Variants in FKBPL observed in about 807,000 individuals in gnomAD.
The protein encoded by FKBPL is FK506-binding protein-like.
A neutral mutation model predicts 27.9 loss-of-function variants in FKBPL; 31 were observed. The observed-to-expected ratio is 1.11, with a 90% CI of 0.83 to 1.50. The LOEUF (loss-of-function observed/expected upper bound fraction) is 1.50. Among genes scored for constraint, FKBPL ranks in the 40% most tolerant of loss-of-function variants. The probability of loss-of-function intolerance (pLI) is 0.00; values close to 1 mark genes in which losing one functional copy is unlikely to be tolerated. For synonymous variants in FKBPL, 134 were observed against 169.5 expected (o/e 0.79, Z 1.63); for missense variants, 355 against 425.9 (o/e 0.83, Z 1.46).
rs775939173 is a variant in FKBPL, at chr6:32,129,570, C to T, written c.211G>A (p.Ala71Thr). Residue 71 changes from alanine (A) to threonine (T), a missense_variant, in exon 2 of 2, where the codon GCT becomes ACT. Coordinates refer to ENST00000375156, the MANE Select transcript of FKBPL (RefSeq NM_022110.4). This position sits in a 1 kb window ranked among gnomAD's most constrained non-coding sequence, Gnocchi z 4.5. ...EHTQGAEKLV[A>T]ELEGDSHKSH... ...TTATGAGAGTCTCCTTCAAGTTCAG[C>T]AACCAGTTTTTCAGCTCCTTGAGTA... 2.5e-6 allele frequency: 4 copies of T among 1,614,226 alleles called. No homozygotes were observed. In the South Asian group the frequency reaches 4.4e-5, roughly 18 times the overall value.
chr6:32,129,891 C>T lies in FKBPL; in HGVS notation c.-74-37G>A. On this transcript the variant is annotated intron_variant, in intron 1 of 1. Transcript: ENST00000375156. The surrounding 1 kb of genome is among the most constrained non-coding windows in gnomAD (Gnocchi z 4.5). ...ACCAAACAATGCTAATAGCAGGGTT[C>T]TTATTTAGACTCCTTTCTCGTCCTT... The T allele has an allele frequency of 1.1e-6, 1 of 925,916 alleles. No homozygotes were observed. The highest frequency in any genetic ancestry group is 1.4e-5 in the South Asian group (1 of 71,316). The allele number at this position is 925,916 out of a possible 1,614,324, so 57.4% of individuals were successfully genotyped here. A position where few individuals can be genotyped will look rare whatever the true frequency, so the allele number is the denominator to read the frequency against.
Position 32,129,926 on chromosome 6 carries a change from T to A in FKBPL, c.-74-72A>T. The A allele has an allele frequency of 1.2e-6, 1 of 802,314 alleles. No individual in the cohort carries two copies. Among genetic ancestry groups the A allele is most frequent in the Non-Finnish European group, 2.1e-6 (1 of 475,594 alleles). 49.7% of individuals were successfully genotyped at this position (802,314 alleles called of 1,614,324 possible). A position where few individuals can be genotyped will look rare whatever the true frequency, so the allele number is the denominator to read the frequency against. ...CTCCTTTCTCGTCCTTTCCCATTCT[T>A]CTGAGACCCAGGCCCCTAGTCCTGA... is the stretch of plus-strand genomic sequence containing the variant. On this transcript the variant is annotated intron_variant, in intron 1 of 1. Transcript: ENST00000375156. This position sits in a 1 kb window ranked among gnomAD's most constrained non-coding sequence, Gnocchi z 4.5.
At position 32,129,057 on chromosome 6, in the gene FKBPL, T is replaced by G; in HGVS notation, c.724A>C (p.Thr242Pro). The G allele has an allele frequency of 6.2e-7, 1 of 1,614,184 alleles. No individual in the cohort carries two copies. Among genetic ancestry groups the G allele is most frequent in the Non-Finnish European group, 8.5e-7 (1 of 1,180,028 alleles). The stretch of plus-strand genomic sequence containing the variant: ...TCTGGAGGGCCAGGTGGGGGTAAAG[T>G]CAGGAGCAGCCGAAGAGCCCGTCCA... ...CYGRALRLLL[T>P]LPPPGPPERT... The change falls in exon 2 of 2, where the codon ACT becomes CCT. Residue 242 changes from threonine (T) to proline (P), a missense_variant. Physicochemically the swap from Thr to Pro is conservative, Grantham distance 38. Transcript: ENST00000375156. The surrounding 1 kb of genome is among the most constrained non-coding windows in gnomAD (Gnocchi z 4.5).
chr6:32,129,614 G>T lies in FKBPL; in HGVS notation c.167C>A (p.Ala56Asp). The change falls in exon 2 of 2, where the codon GCC (alanine) becomes GAC (aspartate). Residue 56 changes from alanine (A) to aspartate (D), a missense_variant. Coordinates refer to ENST00000375156, the MANE Select transcript of FKBPL (RefSeq NM_022110.4). This position sits in a 1 kb window ranked among gnomAD's most constrained non-coding sequence, Gnocchi z 4.5. ...TLELEVSPDP[A>D]SQILEHTQGA... ...TTGAGTATGCTCTAGAATTTGGCTGGCTGGATCTGGGCTTACTTCCAGCTC... is the reference window on the plus strand; with the variant it reads ...TTGAGTATGCTCTAGAATTTGGCTGTCTGGATCTGGGCTTACTTCCAGCTC... 6.2e-7 allele frequency: 1 copy of T among 1,614,156 alleles called. No homozygotes were observed. The highest frequency in any genetic ancestry group is 8.5e-7 in the Non-Finnish European group (1 of 1,180,034).
chr6:32,129,204 T>C lies in FKBPL; in HGVS notation c.577A>G (p.Thr193Ala), dbSNP rs754264312. 6.2e-7 allele frequency: 1 copy of C among 1,614,152 alleles called. No individual in the cohort carries two copies. Among genetic ancestry groups the C allele is most frequent in the Non-Finnish European group, 8.5e-7 (1 of 1,180,018 alleles). Residue 193 changes from threonine (T) to alanine (A), a missense_variant, in exon 2 of 2, where the codon ACT becomes GCT. Coordinates refer to ENST00000375156, the MANE Select transcript of FKBPL (RefSeq NM_022110.4). The surrounding 1 kb of genome is among the most constrained non-coding windows in gnomAD (Gnocchi z 4.5). Reference sequence around the variant, plus strand: ...AGCTCCCAGGAGTCTCGGCCTTGAGTGAAGGATGCCAGTGTGAGCCTGACA... The same window carrying C: ...AGCTCCCAGGAGTCTCGGCCTTGAGCGAAGGATGCCAGTGTGAGCCTGACA... ...PPVRLTLASFTQGRDSWELET... is the reference protein window; with the variant it reads ...PPVRLTLASFAQGRDSWELET...
rs1782157036 is a variant in FKBPL, at chr6:32,129,556, T to TC, written c.224dup (p.Asp76ArgfsTer4). The TC allele has an allele frequency of 6.2e-7, 1 of 1,609,818 alleles. No individual in the cohort carries two copies. Among genetic ancestry groups the TC allele is most frequent in the East Asian group, 2.2e-5 (1 of 44,620 alleles). On this transcript the variant is annotated frameshift_variant, in exon 2 of 2. Transcript: ENST00000375156. LOFTEE classifies it high-confidence loss of function. This position sits in a 1 kb window ranked among gnomAD's most constrained non-coding sequence, Gnocchi z 4.5. Reference sequence around the variant, plus strand: ...TTGATCCATGAGACTTATGAGAGTCTCCTTCAAGTTCAGCAACCAGTTTTT... The same window carrying TC: ...TTGATCCATGAGACTTATGAGAGTCTCCCTTCAAGTTCAGCAACCAGTTTTT...
At position 32,129,026 on chromosome 6, in the gene FKBPL, G is replaced by T. The variant is rs767741788; in HGVS notation, c.755C>A (p.Thr252Asn). 2.5e-6 allele frequency: 4 copies of T among 1,614,262 alleles called. No homozygotes were observed. The highest frequency in any genetic ancestry group is 3.4e-6 in the Non-Finnish European group (4 of 1,180,048). Residue 252 changes from threonine to asparagine, a missense_variant, in exon 2 of 2, where the codon ACT becomes AAT. Physicochemically the swap from Thr to Asn is moderately conservative, Grantham distance 65 (BLOSUM62 0). Transcript: ENST00000375156. This position sits in a 1 kb window ranked among gnomAD's most constrained non-coding sequence, Gnocchi z 4.5. ...TLPPPGPPER[T>N]VLHANLAACQ... ...GGCAGCCAGATTGGCATGAAGGACA[G>T]TTCGTTCTGGAGGGCCAGGTGGGGG...
In FKBPL at chr6:32,129,887, G is replaced by A; in HGVS notation, c.-74-33C>T. The stretch of plus-strand genomic sequence containing the variant: ...GAAAACCAAACAATGCTAATAGCAG[G>A]GTTCTTATTTAGACTCCTTTCTCGT... On this transcript the variant is annotated intron_variant, in intron 1 of 1. Coordinates refer to ENST00000375156, the MANE Select transcript of FKBPL (RefSeq NM_022110.4). This position sits in a 1 kb window ranked among gnomAD's most constrained non-coding sequence, Gnocchi z 4.5. 2 of 1,014,752 alleles carry A rather than the reference G, an allele frequency of 2.0e-6. No homozygotes were observed. Among genetic ancestry groups the A allele is most frequent in the South Asian group, 1.4e-5 (1 of 73,362 alleles). 62.9% of individuals were successfully genotyped at this position (1,014,752 alleles called of 1,614,324 possible). A position where few individuals can be genotyped will look rare whatever the true frequency, so the allele number is the denominator to read the frequency against.
chr6:32,129,021 G>C lies in FKBPL; in HGVS notation c.760C>G (p.Leu254Val). 1 of 1,614,224 alleles carries C rather than the reference G, an allele frequency of 6.2e-7. No individual in the cohort carries two copies. The highest frequency in any genetic ancestry group is 8.5e-7 in the Non-Finnish European group (1 of 1,180,028). Reference sequence around the variant, plus strand: ...TGACAGGCAGCCAGATTGGCATGAAGGACAGTTCGTTCTGGAGGGCCAGGT... The same window carrying C: ...TGACAGGCAGCCAGATTGGCATGAACGACAGTTCGTTCTGGAGGGCCAGGT... ...PPPGPPERTV[L>V]HANLAACQLL... is the part of the protein sequence containing the mutation. The change falls in exon 2 of 2, where the codon CTT becomes GTT. Residue 254 changes from leucine to valine, a missense_variant. Leu to Val is a conservative substitution (Grantham distance 32). Transcript: ENST00000375156. The surrounding 1 kb of genome is among the most constrained non-coding windows in gnomAD (Gnocchi z 4.5).
chr6:32,129,142 T>A lies in FKBPL; in HGVS notation c.639A>T (p.Glu213Asp). The A allele has an allele frequency of 1.2e-6, 2 of 1,614,238 alleles. No homozygotes were observed. Among genetic ancestry groups the A allele is most frequent in the Non-Finnish European group, 1.7e-6 (2 of 1,180,032 alleles). ...GAAATAGTTCTGTGCCCCTTGCACG[T>A]TCTTCCCTGGCCAGGGCTTCCTTCT... ...TSEKEALAREERARGTELFRA... is the reference protein window; with the variant it reads ...TSEKEALAREDRARGTELFRA... Residue 213 changes from glutamate to aspartate, a missense_variant, in exon 2 of 2, where the codon GAA becomes GAT. Transcript: ENST00000375156. This position sits in a 1 kb window ranked among gnomAD's most constrained non-coding sequence, Gnocchi z 4.5.
chr6:32,129,252 G>C lies in FKBPL; in HGVS notation c.529C>G (p.Leu177Val). ...MCQGEEAELQ[L>V]PGHSGPPVRL... ...ACAGGAGGTCCAGAGTGCCCAGGCAGCTGAAGCTCTGCTTCCTCACCTTGA... is the reference window on the plus strand; with the variant it reads ...ACAGGAGGTCCAGAGTGCCCAGGCACCTGAAGCTCTGCTTCCTCACCTTGA... Residue 177 changes from leucine to valine, a missense_variant, in exon 2 of 2, where the codon CTG becomes GTG. Transcript: ENST00000375156. The surrounding 1 kb of genome is among the most constrained non-coding windows in gnomAD (Gnocchi z 4.5). The C allele has an allele frequency of 6.2e-7, 1 of 1,614,252 alleles. No homozygotes were observed. Among genetic ancestry groups the C allele is most frequent in the Non-Finnish European group, 8.5e-7 (1 of 1,180,048 alleles).
Position 32,129,773 on chromosome 6 carries a change from G to T in FKBPL, c.8C>A (p.Thr3Lys), listed in dbSNP as rs759127595. ...TTCTCCAATTGTATTGACTGGTGGC[G>T]TCTCCATATGGATGCTTAGTCCCTT... ME[T>K]PPVNTIGEKD... The change falls in exon 2 of 2, where the codon ACG becomes AAG. Residue 3 changes from threonine (T) to lysine (K), a missense_variant. By Grantham distance (78) the Thr-to-Lys change is moderately conservative. Coordinates refer to ENST00000375156, the MANE Select transcript of FKBPL (RefSeq NM_022110.4). The surrounding 1 kb of genome is among the most constrained non-coding windows in gnomAD (Gnocchi z 4.5). The T allele has an allele frequency of 6.2e-7, 1 of 1,612,762 alleles. No homozygotes were observed. Among genetic ancestry groups the T allele is most frequent in the Admixed American group, 1.7e-5 (1 of 59,718 alleles).
rs1295321766 is a variant in FKBPL, at chr6:32,129,205, G to T, written c.576C>A (p.Phe192Leu). ...GCTCCCAGGAGTCTCGGCCTTGAGT[G>T]AAGGATGCCAGTGTGAGCCTGACAG... ...GPPVRLTLAS[F>L]TQGRDSWELE... is the part of the protein sequence containing the mutation. The change falls in exon 2 of 2, where the codon TTC becomes TTA. Residue 192 changes from phenylalanine (F) to leucine (L), a missense_variant. Physicochemically the swap from Phe to Leu is conservative, Grantham distance 22 (BLOSUM62 0). Transcript: ENST00000375156. The surrounding 1 kb of genome is among the most constrained non-coding windows in gnomAD (Gnocchi z 4.5). 1 of 1,614,152 alleles carries T rather than the reference G, an allele frequency of 6.2e-7. No individual in the cohort carries two copies. Among genetic ancestry groups the T allele is most frequent in the Non-Finnish European group, 8.5e-7 (1 of 1,180,056 alleles).
Position 32,128,957 on chromosome 6 carries a change from C to G in FKBPL, c.824G>C (p.Cys275Ser). Reference protein sequence around the residue: ...LGQPQLAAQSCDRVLEREPGH... With the variant: ...LGQPQLAAQSSDRVLEREPGH... Reference sequence around the variant, plus strand: ...AGGCTCCCGCTCCAACACCCGGTCACAGCTCTGGGCTGCCAACTGAGGCTG... The same window carrying G: ...AGGCTCCCGCTCCAACACCCGGTCAGAGCTCTGGGCTGCCAACTGAGGCTG... The change falls in exon 2 of 2, where the codon TGT becomes TCT. Residue 275 changes from cysteine to serine, a missense_variant. Coordinates refer to ENST00000375156, the MANE Select transcript of FKBPL (RefSeq NM_022110.4). 3.7e-6 allele frequency: 6 copies of G among 1,613,924 alleles called. No homozygotes were observed. The South Asian group carries it at 5.5e-5, about 15-fold the overall frequency.
rs975859579 is a variant in FKBPL, at chr6:32,129,370, C to A, written c.411G>T (p.Pro137=). ...TAGTTAGCTCTGTCCAGCCCTCTGG[C>A]GGCCCTGATCCGAAAGGAAACCCCA... The part of the protein sequence containing the change: ...LALGFPFGSG[P]PEGWTELTMG... Residue 137 remains proline (P), a synonymous_variant, in exon 2 of 2, where the codon CCG becomes CCT. Transcript: ENST00000375156. This position sits in a 1 kb window ranked among gnomAD's most constrained non-coding sequence, Gnocchi z 4.5. The A allele has an allele frequency of 6.2e-6, 10 of 1,614,246 alleles. No homozygotes were observed. The highest frequency in any genetic ancestry group is 1.6e-4 in the Middle Eastern group (1 of 6,062).
At position 32,129,644 on chromosome 6, in the gene FKBPL, G is replaced by A. The variant is rs35580488; in HGVS notation, c.137C>T (p.Thr46Met). 1.9e-6 allele frequency: 3 copies of A among 1,614,136 alleles called. No homozygotes were observed. The highest frequency in any genetic ancestry group is 2.5e-6 in the Non-Finnish European group (3 of 1,180,020). ...RQQPRDPPTE[T>M]LELEVSPDPA... The stretch of plus-strand genomic sequence containing the variant: ...ATCTGGGCTTACTTCCAGCTCAAGC[G>A]TTTCGGTAGGAGGGTCTCGGGGCTG... The change falls in exon 2 of 2, where the codon ACG (threonine) becomes ATG (methionine). Residue 46 changes from threonine to methionine, a missense_variant. Transcript: ENST00000375156. The surrounding 1 kb of genome is among the most constrained non-coding windows in gnomAD (Gnocchi z 4.5).
rs1014589960 is a variant in FKBPL, at chr6:32,128,839, C to T, written c.942G>A (p.Ala314=). 5 of 1,614,242 alleles carry T rather than the reference C, an allele frequency of 3.1e-6. No individual in the cohort carries two copies. Among genetic ancestry groups the T allele is most frequent in the South Asian group, 1.1e-5 (1 of 91,088 alleles). The change falls in exon 2 of 2, where the codon GCG becomes GCA. Residue 314 remains alanine (A), a synonymous_variant. Coordinates refer to ENST00000375156, the MANE Select transcript of FKBPL (RefSeq NM_022110.4). The stretch of plus-strand genomic sequence containing the variant: ...GGGCTGCCCGGTTTTTGGGATCTAT[C>T]GCCAGCACCTTCTTGAGGTCAGCAG... ...KATADLKKVL[A]IDPKNRAAQE... is the part of the protein sequence containing the mutation.
At position 32,130,141 on chromosome 6, in the gene FKBPL, T is replaced by C; in HGVS notation, c.-121A>G. The C allele has an allele frequency of 2.6e-6, 1 of 386,618 alleles. No individual in the cohort carries two copies. The highest frequency in any genetic ancestry group is 4.7e-6 in the Non-Finnish European group (1 of 211,658). The allele number at this position is 386,618 out of a possible 1,614,324, so 23.9% of individuals were successfully genotyped here. On this transcript the variant is annotated 5_prime_UTR_variant, in exon 1 of 2. The change abolishes an upstream ATG in the 5' untranslated region. Transcript: ENST00000375156. ...CATGGTGACAGGAGGAGCCGGGCCA[T>C]TCGAATCACCTCTCCTTCCAAAGCT...
Position 32,129,407 on chromosome 6 carries a change from C to T in FKBPL, c.374G>A (p.Arg125Gln). 3 of 1,614,224 alleles carry T rather than the reference C, an allele frequency of 1.9e-6. No individual in the cohort carries two copies. The highest frequency in any genetic ancestry group is 2.5e-6 in the Non-Finnish European group (3 of 1,180,042). The change falls in exon 2 of 2, where the codon CGG (arginine) becomes CAG (glutamine). Residue 125 changes from arginine to glutamine, a missense_variant. Arg to Gln is a conservative substitution (Grantham distance 43). Transcript: ENST00000375156. The surrounding 1 kb of genome is among the most constrained non-coding windows in gnomAD (Gnocchi z 4.5). ...LDKPKLGSCC[R>Q]VLALGFPFGS... is the part of the protein sequence containing the mutation. ...GAAAGGAAACCCCAAAGCCAGTACC[C>T]GGCAGCAGGAGCCTAGTTTGGGTTT... is the stretch of plus-strand genomic sequence containing the variant.
Sources: gnomAD v4.1 joint callset for allele counts on GRCh38, gnomAD v4.1.1 for gene constraint, Gnocchi (gnomAD v3.1) non-coding constraint, MANE v1.5 for transcripts, NCBI Gene and HGNC (gene_info 2026-07-23, HGNC 2026-07-21) for gene names.